MALRD1: variants seen among roughly 807,000 people sequenced by gnomAD.
MALRD1 encodes MAM and LDL-receptor class A domain-containing protein 1.
In MALRD1, 247 loss-of-function variants were observed where a neutral mutation model predicts 242.1. The observed-to-expected ratio is 1.02, with a 90% CI of 0.92 to 1.13. The LOEUF (loss-of-function observed/expected upper bound fraction) is 1.13, where lower values mean the gene tolerates loss of function less well. Among genes scored for constraint, MALRD1 ranks in the 50% most tolerant of loss-of-function variants. The probability of loss-of-function intolerance (pLI) is 0.00; values close to 1 mark genes in which losing one functional copy is unlikely to be tolerated. For synonymous variants in MALRD1, 995 were observed against 866.6 expected, an observed-to-expected ratio of 1.15 and a Z score of -2.60; for missense variants, 2,989 against 2,533.1, an observed-to-expected ratio of 1.18 and a Z score of -3.86.
At chr10:19,215,754 A>C (rs1302986797) in intron 18 of MALRD1, among the ~76,000 whole-genome samples, 2 of 109,778 alleles carry the variant, frequency 1.8e-5, no homozygotes, top group Non-Finnish European at 4.1e-5. Context: ...AATAATAATT[A>C]GTATAAACAA....
chr10:19,452,348 A>C (rs1411948341), intron 29 of MALRD1, among the ~76,000 whole-genome samples: 1 of 152,102 alleles, frequency 6.6e-6, no homozygotes, highest in Non-Finnish European at 1.5e-5. Flanking sequence ...ATTACAATTA[A>C]TTTTGTTCAA....
intron 38 of MALRD1, among the ~76,000 whole-genome samples, chr10:19,696,322 C>A (rs940657536): frequency 1.3e-5 from 2 of 152,114 alleles, no homozygotes; most frequent in African/African-American, 4.8e-5. Flanking sequence ...TAAGGGCTCA[C>A]TAAAAGATTT....
intron 28 of MALRD1, among the ~76,000 whole-genome samples, chr10:19,432,147 G>T (rs1195177488): frequency 6.6e-6 from 1 of 152,110 alleles, no homozygotes; most frequent in Non-Finnish European, 1.5e-5. Flanking sequence ...TAAGGACCTG[G>T]CATGAGTCAT....
At chr10:19,284,067 G>C (rs1388043704) in intron 21 of MALRD1, among the ~76,000 whole-genome samples, 1 of 152,188 alleles carries the variant, frequency 6.6e-6, no homozygotes, top group Non-Finnish European at 1.5e-5. Flanking sequence ...AAGGCCCTGA[G>C]CCAGGACCAT....
intron 26 of MALRD1, among the ~76,000 whole-genome samples, chr10:19,381,609 C>G (rs138197820): frequency 2.1e-3 from 324 of 150,994 alleles, no homozygotes; most frequent in Middle Eastern, 6.8e-3. Context: ...GGGTGGATCA[C>G]TTGAGGTCAG....
At chr10:19,446,061 T>G (rs1042699012) in intron 28 of MALRD1, among the ~76,000 whole-genome samples, 1 of 152,168 alleles carries the variant, frequency 6.6e-6, no homozygotes, top group Non-Finnish European at 1.5e-5. Flanking sequence ...TGAGTGAGGC[T>G]CTGTGGGCGT....
chr10:19,185,358 A>C (rs896036013), intron 14 of MALRD1, among the ~76,000 whole-genome samples: 3 of 152,176 alleles, frequency 2.0e-5, no homozygotes, highest in Admixed American at 6.5e-5. Context: ...AAGTGCATGT[A>C]CTAATTTTAT....
At position 19,491,650 on chromosome 10, in the gene MALRD1, G is replaced by A. The variant is rs752826692; in HGVS notation, c.5158+5G>A. 1.9e-6 allele frequency: 3 copies of A among 1,548,262 alleles called. No individual in the cohort carries two copies. The highest frequency in any genetic ancestry group is 2.6e-6 in the Non-Finnish European group (3 of 1,146,346). ...GGTCTGATGAAGCTCACTGTGGTAA[G>A]TTTATCTATCTGCTGTATGGCAGCC... is the stretch of plus-strand genomic sequence containing the variant. On this transcript the variant is annotated splice_donor_5th_base_variant and intron_variant, in intron 30 of 39. Transcript: ENST00000454679.
At position 19,462,262 on chromosome 10, in the gene MALRD1, G is replaced by A. The variant is rs192327782; in HGVS notation, c.5029+11772G>A. On this transcript the variant is annotated intron_variant, in intron 29 of 39. Transcript: ENST00000454679. ...CTCCACCTACTTCCTTTATGAAGCCGTCACACTCAGAGCCACTATCTACCT... is the reference window on the plus strand; with the variant it reads ...CTCCACCTACTTCCTTTATGAAGCCATCACACTCAGAGCCACTATCTACCT... Among the ~76,000 whole-genome samples the A allele has an allele frequency of 1.5e-3, 232 of 152,258 alleles. 2 individuals carry two copies. Among genetic ancestry groups the A allele is most frequent in the Admixed American group, 2.6e-3 (40 of 15,300 alleles).
intron 13 of MALRD1, among the ~76,000 whole-genome samples, chr10:19,169,450 G>T (rs1834830052): frequency 6.6e-6 from 1 of 152,086 alleles, no homozygotes; most frequent in African/African-American, 2.4e-5. Flanking sequence ...TTAAAACAGA[G>T]AGAAACAAAT....
intron 36 of MALRD1, among the ~76,000 whole-genome samples, chr10:19,641,968 A>G (rs1011386901): frequency 6.6e-6 from 1 of 152,126 alleles, no homozygotes; most frequent in Non-Finnish European, 1.5e-5. Flanking sequence ...ATTGTCTTTG[A>G]GTGAAAAAAA....
At chr10:19,111,804 T>A (rs1362303225) in intron 5 of MALRD1, among the ~76,000 whole-genome samples, 1 of 152,226 alleles carries the variant, frequency 6.6e-6, no homozygotes, top group Non-Finnish European at 1.5e-5. Flanking sequence ...TGTTTCTGTT[T>A]TTGTTTTTCA....
intron 36 of MALRD1, among the ~76,000 whole-genome samples, chr10:19,682,286 G>A (rs1451135386): frequency 6.6e-6 from 1 of 152,146 alleles, no homozygotes; most frequent in Non-Finnish European, 1.5e-5. Flanking sequence ...ATAAGGGTGG[G>A]AGGAGTTTTT....
chr10:19,114,114 C>T (rs190586380), intron 5 of MALRD1, among the ~76,000 whole-genome samples: 345 of 152,264 alleles, frequency 2.3e-3, no homozygotes, highest in African/African-American at 8.0e-3. Context: ...ATGTTTTTAA[C>T]AGTACTTACA....
chr10:19,648,115 C>G (rs1840726079), intron 36 of MALRD1, among the ~76,000 whole-genome samples: 1 of 152,146 alleles, frequency 6.6e-6, no homozygotes, highest in South Asian at 2.1e-4. Context: ...GTTCCACATG[C>G]ACAGTGCAAA....
intron 1 of MALRD1, among the ~76,000 whole-genome samples, chr10:19,064,254 A>G (rs1030441788): frequency 1.3e-5 from 2 of 152,228 alleles, no homozygotes; most frequent in African/African-American, 4.8e-5. Flanking sequence ...TATATTGTCC[A>G]ACTGTGGCGT....
At chr10:19,627,760 A>G (rs796249341) in intron 36 of MALRD1, among the ~76,000 whole-genome samples, 13 of 117,518 alleles carry the variant, frequency 1.1e-4, no homozygotes, top group African/African-American at 4.3e-4. Flanking sequence ...AAGACTGTCT[A>G]AAAAAAAAAA....
intron 5 of MALRD1, among the ~76,000 whole-genome samples, chr10:19,112,693 G>T (rs1315884164): frequency 6.6e-6 from 1 of 152,148 alleles, no homozygotes; most frequent in African/African-American, 2.4e-5. Context: ...ATTTTATCTG[G>T]ATAACTTTAG....
At chr10:19,219,988 G>C (rs1486368180) in intron 18 of MALRD1, among the ~76,000 whole-genome samples, 4 of 152,096 alleles carry the variant, frequency 2.6e-5, no homozygotes, top group Non-Finnish European at 5.9e-5. Flanking sequence ...TTGGATGGCA[G>C]CCTTAAACAA....
Sources: gnomAD v4.1 joint callset for allele counts (sites outside exome capture counted in the v4.1 genomes callset) on GRCh38, gnomAD v4.1.1 for gene constraint, MANE v1.5 for transcripts, NCBI Gene and HGNC (gene_info 2026-07-23, HGNC 2026-07-21) for gene names.